LGR6: variants seen among roughly 807,000 people sequenced by gnomAD.
LGR6 encodes leucine rich repeat containing G protein-coupled receptor 6.
A neutral mutation model predicts 69.4 loss-of-function variants in LGR6; 45 were observed. The ratio of observed to expected loss-of-function variants is 0.65; its 90% confidence interval spans 0.51 to 0.83. LGR6 has a LOEUF of 0.83. LGR6 is among the 40% of genes least tolerant of loss of function. The probability of loss-of-function intolerance (pLI) is 0.00; values close to 1 mark genes in which losing one functional copy is unlikely to be tolerated. For missense variants in LGR6, 1,108 were observed against 1,246.7 expected (o/e 0.89, Z 1.68); for synonymous variants, 538 against 555.0 (o/e 0.97, Z 0.43).
intron 7 of LGR6, among the ~76,000 whole-genome samples, chr1:202,300,294 G>A (rs971011002): frequency 2.6e-5 from 4 of 152,192 alleles, no homozygotes; most frequent in Non-Finnish European, 4.4e-5. Context: ...CCTGAGGCCT[G>A]CAGCCATGTC....
chr1:202,205,446 A>ACACACACACACCTAACACACACCTCCTT (rs1659158438), intron 1 of LGR6, among the ~76,000 whole-genome samples: 3 of 28,024 alleles, frequency 1.1e-4, no homozygotes, highest in African/African-American at 3.2e-4. Flanking sequence ...CCTCCTTCAA[A>ACACACACACACCTAACACACACCTCCTT]CACACACACA....
chr1:202,251,173 C>G (rs926471265), intron 4 of LGR6, among the ~76,000 whole-genome samples: 1 of 152,136 alleles, frequency 6.6e-6, no homozygotes, highest in Non-Finnish European at 1.5e-5. Flanking sequence ...AGCACTGGCT[C>G]TCTGTGCTGT....
intron 1 of LGR6, among the ~76,000 whole-genome samples, chr1:202,217,817 G>A (rs6427943): frequency 0.37 from 56,186 of 152,056 alleles, 10,559 homozygotes; most frequent in Non-Finnish European, 0.41. Context: ...AAATAAAGCA[G>A]TAGCCCTTTT....
At position 202,227,992 on chromosome 1, in the gene LGR6, A is replaced by T; in HGVS notation, c.341A>T (p.Tyr114Phe). 1 of 1,612,514 alleles carries T rather than the reference A, an allele frequency of 6.2e-7. No homozygotes were observed. The highest frequency in any genetic ancestry group is 8.5e-7 in the Non-Finnish European group (1 of 1,178,532). Residue 114 changes from tyrosine (Y) to phenylalanine (F), a missense_variant, in exon 3 of 18, where the codon TAC becomes TTC. By Grantham distance (22) the Tyr-to-Phe change is conservative (BLOSUM62 3). Coordinates refer to ENST00000367278, the MANE Select transcript of LGR6 (RefSeq NM_001017403.2). ...CCAGGACAAGCATTCTCTGGTCTCT[A>T]CAGCCTGAAAATCCTGTAAGTATAG... ...HIPGQAFSGL[Y>F]SLKILMLQNN...
At chr1:202,261,801 T>C (rs1664258101) in intron 4 of LGR6, among the ~76,000 whole-genome samples, 1 of 152,226 alleles carries the variant, frequency 6.6e-6, no homozygotes, top group Non-Finnish European at 1.5e-5. Flanking sequence ...TAGTATCTCA[T>C]TGTGGTTTTG....
chr1:202,195,571 C>T (rs181790928), intron 1 of LGR6, among the ~76,000 whole-genome samples: 12 of 152,324 alleles, frequency 7.9e-5, no homozygotes, highest in African/African-American at 2.6e-4. Context: ...AATAAAGGTA[C>T]CAACTGCACA....
At chr1:202,201,069 TC>T (rs1446556091) in intron 1 of LGR6, among the ~76,000 whole-genome samples, 1 of 152,198 alleles carries the variant, frequency 6.6e-6, no homozygotes, top group Non-Finnish European at 1.5e-5. Flanking sequence ...TCTTCAATTC[TC>T]CCCATCCCTG....
At chr1:202,303,445 C>A in intron 10 of LGR6, 98 bp downstream of exon 10, 2 of 947,042 alleles carry the variant, frequency 2.1e-6, no homozygotes, top group Non-Finnish European at 1.7e-6. Context: ...AGGTTCCTTG[C>A]TTCCCTTTTA....
chr1:202,305,855 A>G (rs897517589), intron 12 of LGR6, 106 bp downstream of exon 12: 1 of 890,896 alleles, frequency 1.1e-6, no homozygotes, highest in Non-Finnish European at 1.9e-6. Flanking sequence ...GCACACTTTG[A>G]CATTTCTTCC....
At chr1:202,262,953 T>TTATTG (rs1664352207) in intron 4 of LGR6, among the ~76,000 whole-genome samples, 2 of 151,486 alleles carry the variant, frequency 1.3e-5, no homozygotes, top group African/African-American at 2.4e-5. Flanking sequence ...TTATTTTATT[T>TTATTG]TATTTTATTT....
chr1:202,198,649 G>A (rs1014398908), intron 1 of LGR6, among the ~76,000 whole-genome samples: 3 of 150,906 alleles, frequency 2.0e-5, no homozygotes, highest in African/African-American at 7.3e-5. Context: ...AGTTCTACTG[G>A]GAACCAGAGT....
At chr1:202,306,043 AG>A (rs1355864714) in intron 12 of LGR6, among the ~76,000 whole-genome samples, 1 of 152,186 alleles carries the variant, frequency 6.6e-6, no homozygotes, top group Non-Finnish European at 1.5e-5. Flanking sequence ...GATTAGAACC[AG>A]TGGAGGGACA....
chr1:202,194,026 T>TGCGTC lies in LGR6; in HGVS notation c.40_41insTCGCG (p.Ala14ValfsTer56). 7.3e-7 allele frequency: 1 copy of TGCGTC among 1,378,200 alleles called. No homozygotes were observed. The highest frequency in any genetic ancestry group is 9.3e-7 in the Non-Finnish European group (1 of 1,071,542). The allele number at this position is 1,378,200 out of a possible 1,614,324, so 85.4% of individuals were successfully genotyped here. The stretch of plus-strand genomic sequence containing the variant: ...GCCGGGGCTCCGGGCGCTATGGCTT[T>TGCGTC]GCGCCGCGCTGTGCGCTTCCCGGAG... On this transcript the variant is annotated frameshift_variant, in exon 1 of 18. Coordinates refer to ENST00000367278, the MANE Select transcript of LGR6 (RefSeq NM_001017403.2). LOFTEE classifies it high-confidence loss of function.
intron 4 of LGR6, among the ~76,000 whole-genome samples, chr1:202,270,642 G>C (rs1303105228): frequency 6.6e-6 from 1 of 152,140 alleles, no homozygotes; most frequent in South Asian, 2.1e-4. Flanking sequence ...AGGCTGGAAG[G>C]CTCCTTCAGG....
chr1:202,312,752 T>C (rs1314547120), intron 16 of LGR6, among the ~76,000 whole-genome samples: 1 of 152,248 alleles, frequency 6.6e-6, no homozygotes, highest in Non-Finnish European at 1.5e-5. Flanking sequence ...ACTTGTCTTA[T>C]TCTTTAAAAA....
chr1:202,271,412 G>A (rs1314238300), intron 4 of LGR6, among the ~76,000 whole-genome samples: 1 of 152,124 alleles, frequency 6.6e-6, no homozygotes, highest in South Asian at 2.1e-4. Context: ...GGAGCTGGGT[G>A]GGGAGATAGT....
At chr1:202,253,524 C>G (rs946537743) in intron 4 of LGR6, among the ~76,000 whole-genome samples, 1 of 151,356 alleles carries the variant, frequency 6.6e-6, no homozygotes, top group Admixed American at 6.6e-5. Context: ...AGGCTGGTCT[C>G]GAACTCATGA....
chr1:202,221,407 A>G (rs1015273359), intron 1 of LGR6, among the ~76,000 whole-genome samples: 3 of 151,858 alleles, frequency 2.0e-5, no homozygotes, highest in African/African-American at 7.3e-5. Flanking sequence ...CTCTGAGAAC[A>G]TTTTCCTCAT....
At chr1:202,306,051 G>T (rs935369417) in intron 12 of LGR6, among the ~76,000 whole-genome samples, 1 of 152,272 alleles carries the variant, frequency 6.6e-6, no homozygotes, top group Non-Finnish European at 1.5e-5. Flanking sequence ...CCAGTGGAGG[G>T]ACAGGGTCAC....
Sources: allele counts gnomAD v4.1 joint callset (sites outside exome capture counted in the v4.1 genomes callset), GRCh38; gene constraint gnomAD v4.1.1; transcripts MANE v1.5; gene names NCBI Gene and HGNC (gene_info 2026-07-23, HGNC 2026-07-21).